DOCK9: variants seen among roughly 807,000 people sequenced by gnomAD.
DOCK9 encodes the protein dedicator of cytokinesis 9, also known as dedicator of cytokinesis protein 9.
Under a neutral mutation model 263.3 loss-of-function variants are expected in DOCK9, and 89 were observed. The ratio of observed to expected loss-of-function variants is 0.34; its 90% CI spans 0.28 to 0.40. The LOEUF (loss-of-function observed/expected upper bound fraction) is 0.40, where lower values mean the gene tolerates loss of function less well. Ranked by LOEUF, DOCK9 falls within the 10% of genes least tolerant of loss-of-function variation. The probability of loss-of-function intolerance (pLI) is 1.00; values close to 1 mark genes in which losing one functional copy is unlikely to be tolerated. For synonymous variants in DOCK9, 976 were observed against 973.1 expected, an observed-to-expected ratio of 1.00 and a Z score of -0.06; for missense variants, 2,140 against 2,603.4, an observed-to-expected ratio of 0.82 and a Z score of 3.87.
chr13:98,849,905 C>T, intron 36 of DOCK9, 142 bp downstream of exon 36: 2 of 625,126 alleles, frequency 3.2e-6, no homozygotes, highest in East Asian at 3.1e-5. Context: ...TGTTTTAGGG[C>T]CAAGACCATG....
chr13:99,045,419 C>T (rs1400696458), intron 1 of DOCK9, among the ~76,000 whole-genome samples: 5 of 152,138 alleles, frequency 3.3e-5, no homozygotes, highest in Admixed American at 2.0e-4. Flanking sequence ...AAGGCTAATA[C>T]TACATGACCT....
intron 37 of DOCK9, chr13:98,847,342 C>CTTGGATT (rs2093422502): frequency 6.6e-6 from 1 of 152,196 alleles, no homozygotes; most frequent in Admixed American, 6.5e-5. Flanking sequence ...AGGTAGAAGA[C>CTTGGATT]GTTGCTGGTA....
rs1299386304 is a variant in DOCK9, at chr13:98,825,949, G to A, written c.5023+881C>T. 8 of 1,535,246 alleles carry A rather than the reference G, an allele frequency of 5.2e-6. No individual in the cohort carries two copies. Among genetic ancestry groups the A allele is most frequent in the Non-Finnish European group, 7.0e-6 (8 of 1,138,662 alleles). Reference sequence around the variant, plus strand: ...CTCCCACTGGACTGCTTCTAAACATGAGGAAATGCATCACCTGATAAAAGG... The same window carrying A: ...CTCCCACTGGACTGCTTCTAAACATAAGGAAATGCATCACCTGATAAAAGG... On this transcript the variant is annotated intron_variant, in intron 44 of 52. Transcript: ENST00000682017. This position sits in a 1 kb window ranked among gnomAD's most constrained non-coding sequence, Gnocchi z 4.1.
chr13:98,939,639 C>T (rs1176625089), intron 2 of DOCK9, among the ~76,000 whole-genome samples: 1 of 152,194 alleles, frequency 6.6e-6, no homozygotes, highest in Admixed American at 6.5e-5. Flanking sequence ...GACCTGGATG[C>T]AGCCAAAAAG....
chr13:98,982,996 G>A (rs1477093041), upstream of DOCK9, among the ~76,000 whole-genome samples: 2 of 152,116 alleles, frequency 1.3e-5, no homozygotes, highest in South Asian at 4.1e-4. Flanking sequence ...GCTAACCATA[G>A]CTAATAACCA....
intron 1 of DOCK9, among the ~76,000 whole-genome samples, chr13:99,013,041 T>C (rs1391276467): frequency 1.3e-5 from 2 of 152,228 alleles, no homozygotes; most frequent in East Asian, 1.9e-4. Flanking sequence ...AGCCAGGCAC[T>C]GTTCTAGCTG....
rs41279132 is a variant in DOCK9 at position 98,829,806 on chromosome 13, C to A, written c.4636-50G>T. The A allele has an allele frequency of 8.0e-3, 11,899 of 1,494,002 alleles. 61 individuals are homozygous for A. Among genetic ancestry groups the A allele is most frequent in the Non-Finnish European group, 9.1e-3 (9,920 of 1,092,984 alleles). The allele number at this position is 1,494,002 out of a possible 1,614,324, so 92.5% of individuals were successfully genotyped here. A position where few individuals can be genotyped will look rare whatever the true frequency, so the allele number is the denominator to read the frequency against. ...AATCAATTTACCTTCAAATGACTGC[C>A]CAGGCTGGGCTTCTGCGTTCAGTTA... is the stretch of plus-strand genomic sequence containing the variant. On this transcript the variant is annotated intron_variant, in intron 41 of 52. Transcript: ENST00000682017. The surrounding 1 kb of genome is among the most constrained non-coding windows in gnomAD (Gnocchi z 4.1).
In DOCK9 at chr13:98,969,594, C is replaced by T. The variant is rs2059535222; in HGVS notation, c.126+8190G>A. 1.3e-5 allele frequency among the ~76,000 whole-genome samples: 2 copies of T among 152,146 alleles called. 1 individual carries two copies. On this transcript the variant is annotated intron_variant, in intron 1 of 52. Transcript: ENST00000682017. ...AGTATAAACCTTCACTACAATAAAG[C>T]GGGATGCCTGACAACAAGCTGGAAC...
In DOCK9 at chr13:98,863,409, C is replaced by A; in HGVS notation, c.3426G>T (p.Leu1142=). ...TGTCATCAAAAGAATGCTTTATCAGCAGGTTCTTGAGCACACTGATGGCGA... is the reference window on the plus strand; with the variant it reads ...TGTCATCAAAAGAATGCTTTATCAGAAGGTTCTTGAGCACACTGATGGCGA... ...RLIAISVLKN[L]LIKHSFDDRY... is the part of the protein sequence containing the mutation. The change falls in exon 31 of 53, where the codon CTG becomes CTT. Residue 1142 remains leucine (L), a synonymous_variant. Coordinates refer to ENST00000682017, the MANE Select transcript of DOCK9 (RefSeq NM_001366683.2). The A allele has an allele frequency of 6.2e-7, 1 of 1,613,898 alleles. No individual in the cohort carries two copies. The highest frequency in any genetic ancestry group is 8.5e-7 in the Non-Finnish European group (1 of 1,179,876).
At chr13:99,087,557 G>C (rs1303081346), upstream of DOCK9, among the ~76,000 whole-genome samples, 1 of 152,120 alleles carries the variant, frequency 6.6e-6, no homozygotes, top group Non-Finnish European at 1.5e-5. Flanking sequence ...CACCCTGTGA[G>C]GGACTTTCCC....
At chr13:99,068,392 G>C (rs1356460347) in intron 1 of DOCK9, among the ~76,000 whole-genome samples, 1 of 152,136 alleles carries the variant, frequency 6.6e-6, no homozygotes, top group Non-Finnish European at 1.5e-5. Flanking sequence ...AAACCAGCCT[G>C]GCCAACATGG....
At chr13:98,860,174 C>G in intron 33 of DOCK9, 1 of 1,357,832 alleles carries the variant, frequency 7.4e-7, no homozygotes, top group Non-Finnish European at 9.5e-7. Context: ...ACAGCGTGAG[C>G]CAGTGATTAA....
At chr13:98,852,089 T>C (rs533906527) in intron 35 of DOCK9, among the ~76,000 whole-genome samples, 5 of 152,362 alleles carry the variant, frequency 3.3e-5, no homozygotes, top group African/African-American at 1.2e-4. Context: ...TTATAGGTCA[T>C]ATTCAATATT....
At chr13:98,802,772 A>T (rs2090267092) in intron 49 of DOCK9, among the ~76,000 whole-genome samples, 5 of 152,084 alleles carry the variant, frequency 3.3e-5, no homozygotes, top group Admixed American at 2.6e-4. Context: ...GCTCCCTTTG[A>T]CCTTTGGAAG....
At chr13:98,976,095 A>G (rs1332802039) in intron 1 of DOCK9, among the ~76,000 whole-genome samples, 1 of 152,230 alleles carries the variant, frequency 6.6e-6, no homozygotes, top group Non-Finnish European at 1.5e-5. Flanking sequence ...CCCTGCTGGA[A>G]GAAGAGAAAC....
At chr13:99,023,161 C>T (rs941229192) in intron 1 of DOCK9, among the ~76,000 whole-genome samples, 3 of 152,146 alleles carry the variant, frequency 2.0e-5, no homozygotes, top group African/African-American at 4.8e-5. Context: ...ATGTGCACAC[C>T]CACGTTCATA....
intron 43 of DOCK9, among the ~76,000 whole-genome samples, chr13:98,828,337 CT>C (rs774539224): frequency 4.3e-4 from 66 of 152,032 alleles, no homozygotes; most frequent in Non-Finnish European, 7.7e-4. Context: ...TTCTTCCTTT[CT>C]TTTTTTGAGA....
chr13:98,967,819 A>G (rs1440940439), intron 1 of DOCK9, among the ~76,000 whole-genome samples: 2 of 152,172 alleles, frequency 1.3e-5, no homozygotes, highest in African/African-American at 2.4e-5. Context: ...ACTCCAAAAT[A>G]CTAAATCTTT....
chr13:98,958,166 C>T (rs940928027), intron 1 of DOCK9, among the ~76,000 whole-genome samples: 1 of 152,198 alleles, frequency 6.6e-6, no homozygotes, highest in Non-Finnish European at 1.5e-5. Context: ...AGCAGGGCAG[C>T]CAGGAGGCTT....
Sources: gnomAD v4.1 joint callset for allele counts (sites outside exome capture counted in the v4.1 genomes callset) on GRCh38, gnomAD v4.1.1 for gene constraint, Gnocchi (gnomAD v3.1) non-coding constraint, MANE v1.5 for transcripts, NCBI Gene and HGNC (gene_info 2026-07-23, HGNC 2026-07-21) for gene names.